ANKMY1: variants seen among roughly 807,000 people sequenced by gnomAD.
ANKMY1 encodes the protein ankyrin repeat and MYND domain containing 1, also known as ankyrin repeat and MYND domain-containing protein 1.
In ANKMY1, 98 loss-of-function variants were observed where a neutral mutation model predicts 102.0. The observed-to-expected ratio is 0.96, with a 90% CI of 0.82 to 1.14. ANKMY1 has a LOEUF of 1.14. Ranked by LOEUF, ANKMY1 falls within the 50% of genes most tolerant of loss-of-function variation. The pLI is 0.00. For missense variants in ANKMY1, 1,330 were observed against 1,347.6 expected (o/e 0.99, Z 0.20); for synonymous variants, 582 against 559.9 (o/e 1.04, Z -0.56).
intron 4 of ANKMY1, among the ~76,000 whole-genome samples, chr2:240,549,096 A>T (rs1310378963): frequency 1.3e-5 from 2 of 151,110 alleles, no homozygotes; most frequent in Non-Finnish European, 3.0e-5. Context: ...GAGGCATCAC[A>T]CTACCTGACT....
chr2:240,540,791 G>A (rs888113984), intron 4 of ANKMY1, among the ~76,000 whole-genome samples: 2 of 152,174 alleles, frequency 1.3e-5, no homozygotes, highest in African/African-American at 4.8e-5. Context: ...AACAGATTTT[G>A]GTTCCCTGAC....
chr2:240,509,208 G>C (rs2079641299), intron 12 of ANKMY1, 140 bp downstream of exon 12: 7 of 654,056 alleles, frequency 1.1e-5, no homozygotes, highest in Non-Finnish European at 1.7e-5. Flanking sequence ...TGGGTGAGTG[G>C]ATGGGTGGAT....
At chr2:240,521,655 C>T (rs567954469) in intron 8 of ANKMY1, among the ~76,000 whole-genome samples, 116 of 152,110 alleles carry the variant, frequency 7.6e-4, no homozygotes, top group African/African-American at 2.7e-3. Flanking sequence ...CCCGCCACCA[C>T]GCCTGGCTAA....
At chr2:240,524,799 T>C (rs943669165) in intron 7 of ANKMY1, among the ~76,000 whole-genome samples, 1 of 152,276 alleles carries the variant, frequency 6.6e-6, no homozygotes, top group Non-Finnish European at 1.5e-5. Context: ...TCCACCTGTT[T>C]TACTTTTTCA....
intron 9 of ANKMY1, among the ~76,000 whole-genome samples, chr2:240,519,501 G>A (rs1374004629): frequency 6.6e-6 from 1 of 152,176 alleles, no homozygotes; most frequent in Non-Finnish European, 1.5e-5. Flanking sequence ...AGCTGCGAGA[G>A]AAGCCTGGCC....
chr2:240,490,252 T>C (rs540662405), intron 15 of ANKMY1, among the ~76,000 whole-genome samples: 1 of 152,208 alleles, frequency 6.6e-6, no homozygotes, highest in Admixed American at 6.5e-5. Flanking sequence ...TGATTCTCTG[T>C]ATTTTTTCTC....
At chr2:240,554,669 C>A in intron 3 of ANKMY1, 197 bp downstream of exon 3, 1 of 604,112 alleles carries the variant, frequency 1.7e-6, no homozygotes, top group South Asian at 2.6e-5. Flanking sequence ...ATCCTGGGAC[C>A]CCAGCAAACC....
At chr2:240,526,069 G>A (rs2083324633) in intron 6 of ANKMY1, 160 bp downstream of exon 6, 1 of 1,010,944 alleles carries the variant, frequency 9.9e-7, no homozygotes, top group East Asian at 2.5e-5. Flanking sequence ...ACACTCAGCT[G>A]AGTGGGTTTC....
intron 4 of ANKMY1, among the ~76,000 whole-genome samples, chr2:240,537,106 A>G (rs1181226420): frequency 6.6e-6 from 1 of 152,238 alleles, no homozygotes; most frequent in Non-Finnish European, 1.5e-5. Context: ...TGTATCTCAC[A>G]GCAGCCTGAG....
In ANKMY1 at chr2:240,497,276, G is replaced by A. The variant is rs146977498; in HGVS notation, c.2806+2682C>T. Among the ~76,000 whole-genome samples the A allele has an allele frequency of 8.6e-3, 1,311 of 152,214 alleles. 18 individuals are homozygous for A. The highest frequency in any genetic ancestry group is 0.029 in the African/African-American group (1,208 of 41,510). On this transcript the variant is annotated intron_variant, in intron 15 of 17. Coordinates refer to ENST00000401804, the MANE Select transcript of ANKMY1 (RefSeq NM_001282771.3). Reference sequence around the variant, plus strand: ...GGAAGCTGAGCATAAGAATGGTGCCGCCACCTCCTGGCCATCTTGGAAGCA... The same window carrying A: ...GGAAGCTGAGCATAAGAATGGTGCCACCACCTCCTGGCCATCTTGGAAGCA...
chr2:240,497,707 T>C (rs1429901856), intron 15 of ANKMY1, among the ~76,000 whole-genome samples: 2 of 152,164 alleles, frequency 1.3e-5, no homozygotes, highest in Admixed American at 6.5e-5. Flanking sequence ...CTCTCAACAT[T>C]AGGCTTGAAA....
At chr2:240,500,876 ACAGTCCTGCTCCCCTCAGGCTGT>A (rs2078064784) in intron 13 of ANKMY1, among the ~76,000 whole-genome samples, 1 of 152,240 alleles carries the variant, frequency 6.6e-6, no homozygotes, top group Non-Finnish European at 1.5e-5. Flanking sequence ...GACATCCATT[ACAGTCCTGCTCCCCTCAGGCTGT>A]CAGTGACATG....
In ANKMY1 at chr2:240,555,040, G is replaced by A. The variant is rs1267825946; in HGVS notation, c.162C>T (p.Ala54=). The A allele has an allele frequency of 2.5e-6, 4 of 1,613,842 alleles. No homozygotes were observed. Among genetic ancestry groups the A allele is most frequent in the African/African-American group, 2.7e-5 (2 of 74,920 alleles). The part of the protein sequence containing the change: ...AVFATRDVSA[A]PEKEEEEAEG... ...CAGCTTCCTCCTCTTCCTTCTCAGG[G>A]GCTGCTGAAACATCCCTAAAAGGAC... The change falls in exon 3 of 18, where the codon GCC becomes GCT. Residue 54 remains alanine (A), a synonymous_variant. Coordinates refer to ENST00000401804, the MANE Select transcript of ANKMY1 (RefSeq NM_001282771.3).
intron 14 of ANKMY1, 80 bp downstream of exon 14, chr2:240,500,372 A>G: frequency 1.4e-6 from 2 of 1,424,886 alleles, no homozygotes; most frequent in Non-Finnish European, 1.9e-6. Context: ...GCTTTGCCCC[A>G]GAGAAGCTAA....
chr2:240,475,058 C>T (rs978820792), downstream of ANKMY1, among the ~76,000 whole-genome samples: 1 of 152,208 alleles, frequency 6.6e-6, no homozygotes, highest in South Asian at 2.1e-4. Flanking sequence ...ATATGCATTC[C>T]CTTTTCTCTG....
At chr2:240,519,014 C>A (rs746880834) in intron 9 of ANKMY1, among the ~76,000 whole-genome samples, 1 of 152,214 alleles carries the variant, frequency 6.6e-6, no homozygotes, top group Non-Finnish European at 1.5e-5. Context: ...CCCATCAACA[C>A]CCTGTGAAGA....
downstream of ANKMY1, among the ~76,000 whole-genome samples, chr2:240,474,526 C>T (rs114084456): frequency 0.024 from 3,581 of 152,170 alleles, 145 homozygotes; most frequent in African/African-American, 0.082. Context: ...AGATACTAAA[C>T]CTAGTACCTA....
In ANKMY1 at chr2:240,542,740, G is replaced by A. The variant is rs371927190; in HGVS notation, c.480+10174C>T. Among the ~76,000 whole-genome samples, 4 of 142,650 alleles carry A rather than the reference G, an allele frequency of 2.8e-5. No individual in the cohort carries two copies. In the Admixed American group the frequency reaches 2.8e-4, roughly 10 times the overall value. The allele number at this position is 142,650 out of a possible 152,430, so 93.6% of individuals were successfully genotyped here. On this transcript the variant is annotated intron_variant, in intron 4 of 17. Transcript: ENST00000401804. ...TATATCTATATATATATATATATATGTATAAATTTATTATGTTATAGGTTG... is the reference window on the plus strand; with the variant it reads ...TATATCTATATATATATATATATATATATAAATTTATTATGTTATAGGTTG...
At chr2:240,497,899 G>C (rs535404434) in intron 15 of ANKMY1, among the ~76,000 whole-genome samples, 1 of 152,320 alleles carries the variant, frequency 6.6e-6, no homozygotes, top group African/African-American at 2.4e-5. Flanking sequence ...ATCTCTGATG[G>C]AAAGGAGGAG....
Sources: allele counts gnomAD v4.1 joint callset (sites outside exome capture counted in the v4.1 genomes callset), GRCh38; gene constraint gnomAD v4.1.1; transcripts MANE v1.5; gene names NCBI Gene and HGNC (gene_info 2026-07-23, HGNC 2026-07-21).